ENAM: variants seen among roughly 807,000 people sequenced by gnomAD.
ENAM encodes the protein amelogenesis imperfecta 2, hypocalcification (autosomal dominant).
ENAM carries 21 observed loss-of-function variants against 33.6 expected under a neutral mutation model. That is an observed-to-expected ratio of 0.63 (90% CI 0.44 to 0.90). The LOEUF is 0.90. Among genes scored for constraint, ENAM ranks in the 40% least tolerant of loss-of-function variants. The probability of loss-of-function intolerance (pLI) is 0.00; values close to 1 mark genes in which losing one functional copy is unlikely to be tolerated. For missense variants in ENAM, 1,388 were observed against 1,366.9 expected (o/e 1.02, Z -0.24); for synonymous variants, 473 against 468.4 (o/e 1.01, Z -0.13).
chr4:70,631,897 T>C lies in ENAM; in HGVS notation c.168+4T>C, dbSNP rs1468094244. 2 of 1,613,126 alleles carry C rather than the reference T, an allele frequency of 1.2e-6. No individual in the cohort carries two copies. Among genetic ancestry groups the C allele is most frequent in the Non-Finnish European group, 1.7e-6 (2 of 1,179,064 alleles). On this transcript the variant is annotated splice_donor_region_variant and intron_variant, in intron 4 of 8. Transcript: ENST00000396073. Reference sequence around the variant, plus strand: ...ATTTAGCAGTAAAAGTGAGGAGGTATGTACGTTCAGTCTCAGAGGAGAAGT... The same window carrying C: ...ATTTAGCAGTAAAAGTGAGGAGGTACGTACGTTCAGTCTCAGAGGAGAAGT...
At chr4:70,633,758 G>T (rs1738380269) in intron 5 of ENAM, among the ~76,000 whole-genome samples, 1 of 151,994 alleles carries the variant, frequency 6.6e-6, no homozygotes, top group South Asian at 2.1e-4. Flanking sequence ...TGTAATTGTG[G>T]TGATTCTGAT....
intron 6 of ENAM, among the ~76,000 whole-genome samples, 188 bp downstream of exon 6, chr4:70,634,756 G>A (rs1319361544): frequency 6.6e-6 from 1 of 152,174 alleles, no homozygotes. Context: ...CCCAAATACT[G>A]TTGCCTTTTA....
In ENAM at chr4:70,641,398, T is replaced by A. The variant is rs563082657; in HGVS notation, c.589-617T>A. On this transcript the variant is annotated intron_variant, in intron 8 of 8. Coordinates refer to ENST00000396073, the MANE Select transcript of ENAM (RefSeq NM_031889.3). ...TTTTTTTATTTTATTTATTTATTTA[T>A]TTTTTTTTTTGAGATGGAGTCTCGC... Among the ~76,000 whole-genome samples the A allele has an allele frequency of 9.0e-4, 133 of 147,018 alleles. 1 individual carries two copies. Among genetic ancestry groups the A allele is most frequent in the African/African-American group, 3.2e-3 (128 of 40,068 alleles).
In ENAM at chr4:70,645,215, AGATTAAC is replaced by A; in HGVS notation, c.*361_*367del. On this transcript the variant is annotated 3_prime_UTR_variant, in exon 9 of 9. Transcript: ENST00000396073. ...AATTGGTTTTTCAAGACTGAAAGGC[AGATTAAC>A]TTTCCATTCTACTTATGGAGATCCA... 7.5e-6 allele frequency: 3 copies of A among 401,948 alleles called. No homozygotes were observed. The highest frequency in any genetic ancestry group is 1.4e-5 in the Non-Finnish European group (3 of 222,082). The allele number at this position is 401,948 out of a possible 1,614,324, so 24.9% of individuals were successfully genotyped here.
At chr4:70,639,932 G>A (rs748548764) in intron 8 of ENAM, among the ~76,000 whole-genome samples, 1 of 152,146 alleles carries the variant, frequency 6.6e-6, no homozygotes, top group Non-Finnish European at 1.5e-5. Context: ...GGCACTACCT[G>A]ATTTCCTGCA....
At position 70,646,262 on chromosome 4, in the gene ENAM, T is replaced by C. The variant is rs1449377225; in HGVS notation, c.*1407T>C. ...GATTATTATTCTTATTAATAACATG[T>C]TGGCCTATTATCTGGATGTCCCTTG... On this transcript the variant is annotated 3_prime_UTR_variant, in exon 9 of 9. Coordinates refer to ENST00000396073, the MANE Select transcript of ENAM (RefSeq NM_031889.3). 6.6e-6 allele frequency: 1 copy of C among 152,184 alleles called. No homozygotes were observed. Among genetic ancestry groups the C allele is most frequent in the Non-Finnish European group, 1.5e-5 (1 of 68,020 alleles). The allele number at this position is 152,184 out of a possible 1,614,324, so 9.4% of individuals were successfully genotyped here. A position where few individuals can be genotyped will look rare whatever the true frequency, so the allele number is the denominator to read the frequency against.
chr4:70,642,976 C>T lies in ENAM; in HGVS notation c.1550C>T (p.Pro517Leu), dbSNP rs756622013. The T allele has an allele frequency of 3.6e-5, 58 of 1,613,880 alleles. No individual in the cohort carries two copies. The Admixed American group carries it at 9.5e-4, about 26-fold the overall frequency. Residue 517 changes from proline to leucine, a missense_variant, in exon 9 of 9, where the codon CCC becomes CTC. Physicochemically the swap from Pro to Leu is moderately conservative, Grantham distance 98. Coordinates refer to ENST00000396073, the MANE Select transcript of ENAM (RefSeq NM_031889.3). ...SDGQTQSQNL[P>L]KGIVLGSRRM... is the part of the protein sequence containing the mutation. Reference sequence around the variant, plus strand: ...GGACAAACCCAAAGCCAGAATTTGCCCAAAGGGATTGTTTTAGGGTCAAGA... The same window carrying T: ...GGACAAACCCAAAGCCAGAATTTGCTCAAAGGGATTGTTTTAGGGTCAAGA...
At chr4:70,639,967 C>A (rs1050454787) in intron 8 of ENAM, among the ~76,000 whole-genome samples, 3 of 152,196 alleles carry the variant, frequency 2.0e-5, no homozygotes, top group African/African-American at 7.2e-5. Flanking sequence ...ATTTCCTTGC[C>A]TGTCTTTCTC....
At chr4:70,634,829 G>A (rs1324594331) in intron 6 of ENAM, among the ~76,000 whole-genome samples, 3 of 152,128 alleles carry the variant, frequency 2.0e-5, no homozygotes, top group South Asian at 2.1e-4. Context: ...TCTAACAGTC[G>A]AGAATCAAAG....
In ENAM at chr4:70,631,527, CATAAA is replaced by C. The variant is rs1738319800; in HGVS notation, c.55-136_55-132del. ...TGATAACTATCTAATAGTTTCTTGA[CATAAA>C]ATAAAACTGGCAGCAGGGGCCCCAT... On this transcript the variant is annotated intron_variant, in intron 2 of 8. Coordinates refer to ENST00000396073, the MANE Select transcript of ENAM (RefSeq NM_031889.3). 1.0e-5 allele frequency: 7 copies of C among 690,832 alleles called. 1 individual carries two copies. The Admixed American group carries it at 1.4e-4, about 14-fold the overall frequency. The allele number at this position is 690,832 out of a possible 1,614,324, so 42.8% of individuals were successfully genotyped here.
At position 70,644,930 on chromosome 4, in the gene ENAM, C is replaced by T. The variant is rs865998022; in HGVS notation, c.*75C>T. On this transcript the variant is annotated 3_prime_UTR_variant, in exon 9 of 9. Transcript: ENST00000396073. ...ATACCAATGGTTCCCAAAATTTTTT[C>T]CCCAAGACTTAATTAAGTGTCTGAC... 1 of 1,266,616 alleles carries T rather than the reference C, an allele frequency of 7.9e-7. No homozygotes were observed. Among genetic ancestry groups the T allele is most frequent in the East Asian group, 2.3e-5 (1 of 42,932 alleles). 78.5% of individuals were successfully genotyped at this position (1,266,616 alleles called of 1,614,324 possible).
At chr4:70,638,449 C>CTTTTTTTTT (rs766513652) in intron 8 of ENAM, among the ~76,000 whole-genome samples, 4 of 58,910 alleles carry the variant, frequency 6.8e-5, no homozygotes, top group African/African-American at 3.2e-4. Flanking sequence ...ACAGATTGTT[C>CTTTTTTTTT]TTTTTTTTTT....
In ENAM at chr4:70,643,903, G is replaced by A. The variant is rs762693952; in HGVS notation, c.2477G>A (p.Gly826Asp). ...CAGAAAAATCCAATATGGCATGAAG[G>A]TGAGAATTTGAACTATGGCATGCAA... The part of the protein sequence containing the change: ...GLQKNPIWHE[G>D]ENLNYGMQIT... Residue 826 changes from glycine to aspartate, a missense_variant, in exon 9 of 9, where the codon GGT becomes GAT. Transcript: ENST00000396073. 1.9e-6 allele frequency: 3 copies of A among 1,614,168 alleles called. No individual in the cohort carries two copies. The highest frequency in any genetic ancestry group is 3.3e-5 in the Admixed American group (2 of 60,028).
At chr4:70,635,728 G>A (rs1738434448) in intron 6 of ENAM, 104 bp from the exon 7 acceptor site, 3 of 755,398 alleles carry the variant, frequency 4.0e-6, no homozygotes, top group Non-Finnish European at 7.1e-6. Context: ...TAATGCAAAG[G>A]GAGATGTAGA....
intron 2 of ENAM, among the ~76,000 whole-genome samples, chr4:70,630,744 AT>A (rs565795356): frequency 0.16 from 22,353 of 142,064 alleles, 3,347 homozygotes; most frequent in African/African-American, 0.42. Flanking sequence ...AGCATAAGTG[AT>A]TTTTTTTTTT....
chr4:70,637,709 T>G (rs1016284799), intron 7 of ENAM, 81 bp from the exon 8 acceptor site: 3 of 1,061,590 alleles, frequency 2.8e-6, no homozygotes, highest in Non-Finnish European at 4.4e-6. Context: ...TGAGCTATTT[T>G]TAGACACCCT....
rs1476017706 is a variant in ENAM, at chr4:70,637,825, C to A, written c.570C>A (p.Ile190=). 1 of 1,613,300 alleles carries A rather than the reference C, an allele frequency of 6.2e-7. No individual in the cohort carries two copies. The highest frequency in any genetic ancestry group is 1.3e-5 in the African/African-American group (1 of 75,010). The change falls in exon 8 of 9, where the codon ATC becomes ATA. Residue 190 remains isoleucine (I), a synonymous_variant. Coordinates refer to ENST00000396073, the MANE Select transcript of ENAM (RefSeq NM_031889.3). ...LPPPGYGRPP[I]SNEEGGNPYF... ...CACCAGGTTATGGACGCCCACCAAT[C>A]AGCAATGAAGAAGGGGGGGTAAGTA...
At position 70,642,289 on chromosome 4, in the gene ENAM, G is replaced by T. The variant is rs1238590338; in HGVS notation, c.863G>T (p.Gly288Val). The T allele has an allele frequency of 1.2e-6, 2 of 1,613,990 alleles. No homozygotes were observed. Among genetic ancestry groups the T allele is most frequent in the Non-Finnish European group, 1.7e-6 (2 of 1,180,042 alleles). Residue 288 changes from glycine (G) to valine (V), a missense_variant, in exon 9 of 9, where the codon GGG (glycine) becomes GTG (valine). By Grantham distance (109) the Gly-to-Val change is moderately radical (BLOSUM62 -3). Transcript: ENST00000396073. Reference protein sequence around the residue: ...NTGNNPPAQNGIGPLPAVNAS... With the variant: ...NTGNNPPAQNVIGPLPAVNAS... ...GGGAACAACCCTCCAGCTCAAAATG[G>T]GATTGGCCCACTCCCTGCAGTCAAC...
intron 7 of ENAM, among the ~76,000 whole-genome samples, chr4:70,637,328 C>A (rs1033796598): frequency 2.0e-5 from 3 of 152,098 alleles, no homozygotes. Flanking sequence ...GAGTTTGTCC[C>A]CCTAAACATG....
Sources: allele counts gnomAD v4.1 joint callset (sites outside exome capture counted in the v4.1 genomes callset), GRCh38; gene constraint gnomAD v4.1.1; transcripts MANE v1.5; gene names NCBI Gene and HGNC (gene_info 2026-07-23, HGNC 2026-07-21).